TMEM184A: variants seen among roughly 807,000 people sequenced by gnomAD.
TMEM184A encodes transmembrane protein 184A, also known as sexually dimorphic, expressed in male gonads 1.
Under a neutral mutation model 39.5 loss-of-function variants are expected in TMEM184A, and 40 were observed. The observed-to-expected ratio is 1.01, with a 90% CI of 0.79 to 1.32. The LOEUF (loss-of-function observed/expected upper bound fraction) is 1.32. Among genes scored for constraint, TMEM184A ranks in the 40% most tolerant of loss-of-function variants. TMEM184A has a pLI of 0.00. For synonymous variants in TMEM184A, 280 were observed against 252.3 expected (o/e 1.11, Z -1.04); for missense variants, 603 against 568.8 (o/e 1.06, Z -0.61).
At position 1,554,499 on chromosome 7, in the gene TMEM184A, G is replaced by A. The variant is rs773332363; in HGVS notation, c.219+767C>T. Among the ~76,000 whole-genome samples the A allele has an allele frequency of 3.9e-5, 6 of 152,128 alleles. No homozygotes were observed. The East Asian group carries it at 5.8e-4, about 15-fold the overall frequency. On this transcript the variant is annotated intron_variant, in intron 2 of 8. Transcript: ENST00000297477. ...ATCCCTGCAGCCGTGTGGCCCTCGC[G>A]GGCCTACACACGCACTCCCACCCCA...
At position 1,545,782 on chromosome 7, in the gene TMEM184A, T is replaced by C. The variant is rs1784324898; in HGVS notation, c.*1170A>G. The C allele has an allele frequency of 6.6e-6, 1 of 152,472 alleles. No homozygotes were observed. The highest frequency in any genetic ancestry group is 2.4e-5 in the African/African-American group (1 of 41,456). The allele number at this position is 152,472 out of a possible 1,614,324, so 9.4% of individuals were successfully genotyped here. ...GCGGCTACTGTTCTTGCGGCCGCGATTTCCGAGGCCACTTGCACGCCTCCA... is the reference window on the plus strand; with the variant it reads ...GCGGCTACTGTTCTTGCGGCCGCGACTTCCGAGGCCACTTGCACGCCTCCA... On this transcript the variant is annotated 3_prime_UTR_variant, in exon 9 of 9. Transcript: ENST00000297477.
In TMEM184A at chr7:1,545,616, GACAC is replaced by G. The variant is rs1330180527; in HGVS notation, c.*1332_*1335del. ...CACCCAACCTGTGCTGCGGGCCCCAGACACACAGAACTGACTGCCACCTGCAGGC... is the reference window on the plus strand; with the variant it reads ...CACCCAACCTGTGCTGCGGGCCCCAGACAGAACTGACTGCCACCTGCAGGC... On this transcript the variant is annotated 3_prime_UTR_variant, in exon 9 of 9. Transcript: ENST00000297477. 2 of 152,764 alleles carry G rather than the reference GACAC, an allele frequency of 1.3e-5. No homozygotes were observed. The highest frequency in any genetic ancestry group is 2.9e-5 in the Non-Finnish European group (2 of 68,318). The allele number at this position is 152,764 out of a possible 1,614,324, so 9.5% of individuals were successfully genotyped here. A position where few individuals can be genotyped will look rare whatever the true frequency, so the allele number is the denominator to read the frequency against.
chr7:1,543,104 C>CCG lies in TMEM184A; in HGVS notation c.*3847_*3848insCG, dbSNP rs1562550482. On this transcript the variant is annotated 3_prime_UTR_variant, in exon 9 of 9. Transcript: ENST00000297477. The stretch of plus-strand genomic sequence containing the variant: ...CTTTCTTGGGCCAAGAACCACACCC[C>CCG]CCCCCCAATCCCAGGGGACCCTGCC... 6.6e-6 allele frequency: 1 copy of CCG among 152,206 alleles called. No homozygotes were observed. The highest frequency in any genetic ancestry group is 1.5e-5 in the Non-Finnish European group (1 of 67,986). The allele number at this position is 152,206 out of a possible 1,614,324, so 9.4% of individuals were successfully genotyped here. A position where few individuals can be genotyped will look rare whatever the true frequency, so the allele number is the denominator to read the frequency against.
intron 6 of TMEM184A, chr7:1,549,216 A>G (rs1239515100): frequency 4.5e-6 from 2 of 448,224 alleles, no homozygotes; most frequent in Non-Finnish European, 8.9e-6. Flanking sequence ...TGCTGTGTGC[A>G]TGTGTGAACA....
Position 1,550,834 on chromosome 7 carries a change from A to C in TMEM184A, c.368T>G (p.Val123Gly). The change falls in exon 3 of 9, where the codon GTG (valine) becomes GGG (glycine). Residue 123 changes from valine to glycine, a missense_variant. By Grantham distance (109) the Val-to-Gly change is moderately radical (BLOSUM62 -3). Transcript: ENST00000297477. ...DHQYYVYFDS[V>G]RDCYEAFVIY... ...GCGCCCACCTTCGTAGCAGTCCCGC[A>C]CAGAGTCGAAGTAGACGTAGTACTG... The C allele has an allele frequency of 3.1e-6, 5 of 1,613,202 alleles. No homozygotes were observed. The South Asian group carries it at 4.4e-5, about 14-fold the overall frequency.
intron 5 of TMEM184A, 37 bp downstream of exon 5, chr7:1,550,086 G>A (rs764828971): frequency 6.9e-6 from 11 of 1,584,458 alleles, no homozygotes; most frequent in Non-Finnish European, 9.4e-6. Context: ...ACGGGCTTGG[G>A]TGGGAGGAGG....
chr7:1,555,154 C>A lies in TMEM184A; in HGVS notation c.219+112G>T. On this transcript the variant is annotated intron_variant, in intron 2 of 8. Transcript: ENST00000297477. This position sits in a 1 kb window ranked among gnomAD's most constrained non-coding sequence, Gnocchi z 5.2. ...TCCCCTCCCCCGTGCCCTGGCCGAT[C>A]CCACTTCTGACAGCGTCTATAGCAG... is the stretch of plus-strand genomic sequence containing the variant. 1.1e-6 allele frequency: 1 copy of A among 905,194 alleles called. No homozygotes were observed. The highest frequency in any genetic ancestry group is 1.6e-6 in the Non-Finnish European group (1 of 620,076). The allele number at this position is 905,194 out of a possible 1,614,324, so 56.1% of individuals were successfully genotyped here.
chr7:1,550,463 T>C, intron 3 of TMEM184A, 68 bp from the exon 4 acceptor site: 1 of 1,358,872 alleles, frequency 7.4e-7, no homozygotes. Context: ...GGCGCCCATC[T>C]CACCAGGGCA....
intron 6 of TMEM184A, chr7:1,549,559 CTG>C: frequency 3.7e-6 from 2 of 540,884 alleles, no homozygotes; most frequent in African/African-American, 1.9e-5. Context: ...CAGCCGTGTC[CTG>C]TGAGGGGAGG....
chr7:1,550,809 G>A lies in TMEM184A; in HGVS notation c.385+8C>T. On this transcript the variant is annotated splice_region_variant and intron_variant, in intron 3 of 8. Coordinates refer to ENST00000297477, the MANE Select transcript of TMEM184A (RefSeq NM_001097620.2). ...CGCTCCCCCGACCTGACGCAGCCTG[G>A]CGCCCACCTTCGTAGCAGTCCCGCA... 6 of 1,612,198 alleles carry A rather than the reference G, an allele frequency of 3.7e-6. No homozygotes were observed. Among genetic ancestry groups the A allele is most frequent in the Non-Finnish European group, 5.1e-6 (6 of 1,179,636 alleles).
intron 7 of TMEM184A, 73 bp downstream of exon 7, chr7:1,548,446 G>C: frequency 6.6e-7 from 1 of 1,509,622 alleles, no homozygotes; most frequent in Non-Finnish European, 9.0e-7. Context: ...GGAAAGGGGT[G>C]TGAGGTGACC....
intron 2 of TMEM184A, among the ~76,000 whole-genome samples, chr7:1,554,169 C>T (rs1164999512): frequency 3.3e-5 from 5 of 152,084 alleles, no homozygotes; most frequent in Admixed American, 6.5e-5. Flanking sequence ...TGGGCTCAAG[C>T]GATCCTCCCA....
Position 1,550,135 on chromosome 7 carries a change from G to C in TMEM184A, c.540C>G (p.Arg180=), listed in dbSNP as rs970085284. The C allele has an allele frequency of 3.1e-6, 5 of 1,605,406 alleles. No individual in the cohort carries two copies. The African/African-American group carries it at 5.3e-5, about 17-fold the overall frequency. ...GGTGGCCCCTCACCTGCTTACAGAA[G>C]CGCAGGAACCCGATGGAGTAGGTCA... ...RGMTYSIGFL[R]FCKQATLQFC... The change falls in exon 5 of 9, where the codon CGC becomes CGG. Residue 180 remains arginine, a synonymous_variant. Coordinates refer to ENST00000297477, the MANE Select transcript of TMEM184A (RefSeq NM_001097620.2).
chr7:1,555,351 G>T lies in TMEM184A; in HGVS notation c.134C>A (p.Ala45Asp). The T allele has an allele frequency of 6.2e-7, 1 of 1,610,526 alleles. No homozygotes were observed. Among genetic ancestry groups the T allele is most frequent in the Non-Finnish European group, 8.5e-7 (1 of 1,178,844 alleles). The change falls in exon 2 of 9, where the codon GCC (alanine) becomes GAC (aspartate). Residue 45 changes from alanine to aspartate, a missense_variant. Transcript: ENST00000297477. This position sits in a 1 kb window ranked among gnomAD's most constrained non-coding sequence, Gnocchi z 5.2. ...MDHMGNSSQG[A>D]PWLFLTSALA... ...TGCGGAGGTGAGGAAGAGCCAGGGG[G>T]CCCCCTGGGAGCTGTTCCCCATGTG...
rs1023368189 is a variant in TMEM184A at position 1,546,449 on chromosome 7, G to C, written c.*503C>G. 2.6e-5 allele frequency: 4 copies of C among 152,828 alleles called. No individual in the cohort carries two copies. The highest frequency in any genetic ancestry group is 9.6e-5 in the African/African-American group (4 of 41,480). The allele number at this position is 152,828 out of a possible 1,614,324, so 9.5% of individuals were successfully genotyped here. On this transcript the variant is annotated 3_prime_UTR_variant, in exon 9 of 9. Transcript: ENST00000297477. Reference sequence around the variant, plus strand: ...GCAGGCTCCAAGGAGGCCCAGCCCCGGCCAGCCTGTGTGGACCCCGCCGGC... The same window carrying C: ...GCAGGCTCCAAGGAGGCCCAGCCCCCGCCAGCCTGTGTGGACCCCGCCGGC...
At position 1,543,351 on chromosome 7, in the gene TMEM184A, A is replaced by G. The variant is rs1784248296; in HGVS notation, c.*3601T>C. On this transcript the variant is annotated 3_prime_UTR_variant, in exon 9 of 9. Transcript: ENST00000297477. ...CTCTCCCTTCCAGTGGAAGGAGCAG[A>G]GAGCAGCACGGCTGTCAGTGTTCCC... is the stretch of plus-strand genomic sequence containing the variant. The G allele has an allele frequency of 1.3e-5, 2 of 152,392 alleles. No homozygotes were observed. The highest frequency in any genetic ancestry group is 6.8e-3 in the Middle Eastern group (2 of 294). The allele number at this position is 152,392 out of a possible 1,614,324, so 9.4% of individuals were successfully genotyped here. A position where few individuals can be genotyped will look rare whatever the true frequency, so the allele number is the denominator to read the frequency against.
At chr7:1,552,652 G>A (rs181677047) in intron 2 of TMEM184A, among the ~76,000 whole-genome samples, 13 of 152,164 alleles carry the variant, frequency 8.5e-5, no homozygotes, top group Admixed American at 5.9e-4. Flanking sequence ...CCCGGGGGAC[G>A]GAGAGGGGAC....
Position 1,550,165 on chromosome 7 carries a change from C to T in TMEM184A, c.510G>A (p.Arg170=). 6.2e-7 allele frequency: 1 copy of T among 1,608,178 alleles called. No homozygotes were observed. Among genetic ancestry groups the T allele is most frequent in the African/African-American group, 1.3e-5 (1 of 74,972 alleles). ...GGAACCCGATGGAGTAGGTCATGCC[C>T]CGGAGGCAGCAGGTGCCGTACAAGC... ...SSCLYGTCCL[R]GMTYSIGFLR... is the part of the protein sequence containing the mutation. The change falls in exon 5 of 9, where the codon CGG becomes CGA. Residue 170 remains arginine, a synonymous_variant. Transcript: ENST00000297477.
At chr7:1,552,587 C>T (rs940816848) in intron 2 of TMEM184A, among the ~76,000 whole-genome samples, 4 of 149,916 alleles carry the variant, frequency 2.7e-5, no homozygotes, top group East Asian at 2.0e-4. Context: ...GGAATGGGAA[C>T]GCTCACTCAT....
Sources: gnomAD v4.1 joint callset for allele counts (sites outside exome capture counted in the v4.1 genomes callset) on GRCh38, gnomAD v4.1.1 for gene constraint, Gnocchi (gnomAD v3.1) non-coding constraint, MANE v1.5 for transcripts, NCBI Gene and HGNC (gene_info 2026-07-23, HGNC 2026-07-21) for gene names.